THOC7: variants seen among roughly 807,000 people sequenced by gnomAD.
The protein encoded by THOC7 is NIF3L1-binding protein 1.
THOC7 carries 22 observed loss-of-function variants against 33.1 expected under a neutral mutation model. The ratio of observed to expected loss-of-function variants is 0.66; its 90% CI spans 0.47 to 0.95. The LOEUF (loss-of-function observed/expected upper bound fraction) is 0.95. THOC7 is among the 40% of genes least tolerant of loss of function. The pLI, the probability that THOC7 is intolerant of heterozygous loss-of-function variation, is 0.00. For synonymous variants in THOC7, 77 were observed against 76.8 expected, an observed-to-expected ratio of 1.00 and a Z score of -0.01; for missense variants, 184 against 245.3, an observed-to-expected ratio of 0.75 and a Z score of 1.67.
Position 63,833,913 on chromosome 3 carries a change from C to T in THOC7, c.*219G>A. 1 of 457,678 alleles carries T rather than the reference C, an allele frequency of 2.2e-6. No homozygotes were observed. The highest frequency in any genetic ancestry group is 3.8e-6 in the Non-Finnish European group (1 of 260,972). The allele number at this position is 457,678 out of a possible 1,614,324, so 28.4% of individuals were successfully genotyped here. A position where few individuals can be genotyped will look rare whatever the true frequency, so the allele number is the denominator to read the frequency against. ...TATTAAGCATTTTTGGATGTTGCTTCCTACCACTTAAGAATAAAAAATGCA... is the reference window on the plus strand; with the variant it reads ...TATTAAGCATTTTTGGATGTTGCTTTCTACCACTTAAGAATAAAAAATGCA... On this transcript the variant is annotated 3_prime_UTR_variant, in exon 8 of 8. Coordinates refer to ENST00000295899, the MANE Select transcript of THOC7 (RefSeq NM_025075.4).
intron 3 of THOC7, 144 bp from the exon 4 acceptor site, chr3:63,838,206 T>C (rs947589223): frequency 4.6e-5 from 42 of 914,738 alleles, no homozygotes; most frequent in Admixed American, 9.2e-5. Context: ...CAAAGTACTA[T>C]ATCATCTTAG....
At chr3:63,856,274 G>T (rs966889166) in intron 1 of THOC7, among the ~76,000 whole-genome samples, 2 of 151,900 alleles carry the variant, frequency 1.3e-5, no homozygotes, top group South Asian at 4.2e-4. Context: ...GGTGGCAGGG[G>T]AGGGGCGGGG....
chr3:63,836,399 G>T (rs1431570926), intron 4 of THOC7, 41 bp from the exon 5 acceptor site: 5 of 1,587,618 alleles, frequency 3.1e-6, no homozygotes, highest in East Asian at 2.2e-5. Context: ...AGGATTTTTT[G>T]AATGTGAATT....
intron 1 of THOC7, chr3:63,845,011 G>A (rs1429622402): frequency 1.4e-6 from 1 of 693,664 alleles, no homozygotes; most frequent in East Asian, 2.7e-5. Context: ...TTGTAATTTT[G>A]TCTCTTGACA....
chr3:63,836,868 A>C (rs1210360644), intron 4 of THOC7, among the ~76,000 whole-genome samples: 1 of 151,946 alleles, frequency 6.6e-6, no homozygotes, highest in Non-Finnish European at 1.5e-5. Flanking sequence ...CCTCCAAGAT[A>C]AGTCATGTAA....
intron 1 of THOC7, among the ~76,000 whole-genome samples, chr3:63,846,881 A>T (rs1401596128): frequency 6.6e-6 from 1 of 152,196 alleles, no homozygotes; most frequent in Non-Finnish European, 1.5e-5. Context: ...GGCAAAACCC[A>T]AAAGACTGCA....
intron 1 of THOC7, chr3:63,854,613 G>A (rs1338117728): frequency 6.6e-6 from 1 of 152,198 alleles, no homozygotes; most frequent in East Asian, 1.9e-4. Flanking sequence ...GACACCTGCT[G>A]TGAGGATGGT....
intron 1 of THOC7, chr3:63,863,440 C>T: frequency 2.7e-6 from 3 of 1,118,960 alleles, no homozygotes; most frequent in Non-Finnish European, 3.3e-6. Flanking sequence ...CGCCCTTGCA[C>T]CGCTTCTAGC....
intron 1 of THOC7, among the ~76,000 whole-genome samples, chr3:63,852,733 T>C (rs1474939353): frequency 6.6e-6 from 1 of 152,148 alleles, no homozygotes; most frequent in Non-Finnish European, 1.5e-5. Flanking sequence ...CCAGAATTTT[T>C]AGGAGGATGT....
intron 1 of THOC7, among the ~76,000 whole-genome samples, chr3:63,858,281 T>C (rs915543566): frequency 4.6e-5 from 7 of 152,314 alleles, no homozygotes; most frequent in Admixed American, 1.3e-4. Flanking sequence ...TGTGTACTAT[T>C]ATCTTCCTTT....
At chr3:63,854,988 A>T in intron 1 of THOC7, among the ~76,000 whole-genome samples, 1 of 151,506 alleles carries the variant, frequency 6.6e-6, no homozygotes, top group African/African-American at 2.4e-5. Context: ...AGCCTGGGCG[A>T]CAGAGCGAGA....
intron 1 of THOC7, among the ~76,000 whole-genome samples, chr3:63,853,246 G>C (rs950037876): frequency 8.6e-5 from 13 of 151,818 alleles, no homozygotes; most frequent in African/African-American, 1.2e-4. Flanking sequence ...AGGGGCCAAT[G>C]CCAACATTGG....
At chr3:63,863,398 C>T in intron 1 of THOC7, 1 of 1,043,688 alleles carries the variant, frequency 9.6e-7, no homozygotes, top group Non-Finnish European at 1.2e-6. Context: ...CACCGCGCCC[C>T]TAGACAAACC....
chr3:63,863,538 G>A, intron 1 of THOC7: 3 of 1,194,112 alleles, frequency 2.5e-6, no homozygotes, highest in Non-Finnish European at 3.1e-6. Flanking sequence ...GAGAGCGGAC[G>A]GGGAAAGCCG....
chr3:63,860,126 C>T (rs1344769872), intron 1 of THOC7, among the ~76,000 whole-genome samples: 2 of 152,088 alleles, frequency 1.3e-5, no homozygotes, highest in East Asian at 1.9e-4. Flanking sequence ...GTGTGTTCCA[C>T]TCCACCTGGC....
intron 1 of THOC7, among the ~76,000 whole-genome samples, chr3:63,853,033 C>T (rs568298613): frequency 6.6e-6 from 1 of 152,062 alleles, no homozygotes; most frequent in African/African-American, 2.4e-5. Flanking sequence ...CACCTGTAAT[C>T]GCAGCTACTC....
chr3:63,845,150 C>T lies in THOC7; in HGVS notation c.20-5377G>A. 4 of 624,104 alleles carry T rather than the reference C, an allele frequency of 6.4e-6. No homozygotes were observed. The South Asian group carries it at 7.5e-5, about 12-fold the overall frequency. The allele number at this position is 624,104 out of a possible 1,614,324, so 38.7% of individuals were successfully genotyped here. ...CTTCATGTAGCCCTGAGGGTTAAGTCCCCCTCAGATCTGAGCTCTGCTCTC... is the reference window on the plus strand; with the variant it reads ...CTTCATGTAGCCCTGAGGGTTAAGTTCCCCTCAGATCTGAGCTCTGCTCTC... On this transcript the variant is annotated intron_variant, in intron 1 of 7. Coordinates refer to ENST00000295899, the MANE Select transcript of THOC7 (RefSeq NM_025075.4).
At chr3:63,863,521 C>T in intron 1 of THOC7, 2 of 1,191,136 alleles carry the variant, frequency 1.7e-6, no homozygotes, top group Non-Finnish European at 2.1e-6. Context: ...CCCCGCGCTG[C>T]CTCCGGGAGA....
intron 1 of THOC7, chr3:63,846,039 C>T (rs1039069354): frequency 2.3e-5 from 5 of 218,748 alleles, no homozygotes; most frequent in Admixed American, 1.2e-4. Flanking sequence ...CCTCTAAAAT[C>T]ACCTTTTAAA....
Sources: allele counts gnomAD v4.1 joint callset (sites outside exome capture counted in the v4.1 genomes callset), GRCh38; gene constraint gnomAD v4.1.1; transcripts MANE v1.5; gene names NCBI Gene and HGNC (gene_info 2026-07-23, HGNC 2026-07-21).